Variants in ZC4H2 observed in about 807,000 individuals in gnomAD.
ZC4H2 encodes zinc finger C4H2 domain-containing protein.
For synonymous variants in ZC4H2, 84 were observed against 66.3 expected (o/e 1.27, Z -1.30); for missense variants, 137 against 173.9 (o/e 0.79, Z 1.19).
At chrX:65,015,211 G>C (rs1932789686) in intron 1 of ZC4H2, among the ~76,000 whole-genome samples, 2 of 111,761 alleles carry the variant, frequency 1.8e-5, no homozygotes, top group Non-Finnish European at 3.8e-5. Flanking sequence ...CAGATTACCT[G>C]GAACATTATT....
At chrX:64,968,552 T>C (rs1259639453) in intron 1 of ZC4H2, among the ~76,000 whole-genome samples, 1 of 111,635 alleles carries the variant, frequency 9.0e-6, no homozygotes, top group Non-Finnish European at 1.9e-5. Context: ...AGATGAAATC[T>C]GTGGAATGTT....
chrX:64,953,790 C>T (rs1418847682), intron 1 of ZC4H2, among the ~76,000 whole-genome samples: 4 of 111,393 alleles, frequency 3.6e-5, no homozygotes, highest in Non-Finnish European at 7.5e-5. Flanking sequence ...ACTAGAAATA[C>T]CACTTGACCC....
At chrX:64,997,927 T>C (rs1325334430) in intron 1 of ZC4H2, among the ~76,000 whole-genome samples, 1 of 112,134 alleles carries the variant, frequency 8.9e-6, no homozygotes, top group East Asian at 2.8e-4. Context: ...CAAGTAGCAT[T>C]TTTTGTAGGC....
At chrX:64,987,644 GA>G (rs1164009069) in intron 1 of ZC4H2, among the ~76,000 whole-genome samples, 1 of 104,001 alleles carries the variant, frequency 9.6e-6, no homozygotes, top group Non-Finnish European at 2.0e-5. Flanking sequence ...AAAACTTTTA[GA>G]AAAAAAAAGG....
chrX:65,020,844 C>A (rs975620447), intron 1 of ZC4H2, among the ~76,000 whole-genome samples: 1 of 111,428 alleles, frequency 9.0e-6, no homozygotes, highest in Non-Finnish European at 1.9e-5. Flanking sequence ...GAATATTTAC[C>A]AAGCAAATGG....
intron 1 of ZC4H2, among the ~76,000 whole-genome samples, chrX:65,011,662 G>A (rs991444325): frequency 7.2e-5 from 8 of 110,681 alleles, no homozygotes; most frequent in African/African-American, 1.6e-4. Flanking sequence ...CAGTGACTGG[G>A]GCCAATAATG....
At chrX:65,012,243 A>AAAAAAAAG (rs1932762311) in intron 1 of ZC4H2, among the ~76,000 whole-genome samples, 1 of 99,741 alleles carries the variant, frequency 1.0e-5, no homozygotes, top group Non-Finnish European at 2.1e-5. Context: ...AAAAAAAAAA[A>AAAAAAAAG]AAAGAAAGAA....
At chrX:64,920,344 A>G (rs1447410076) in intron 2 of ZC4H2, 91 bp from the exon 3 acceptor site, 1 of 990,989 alleles carries the variant, frequency 1.0e-6, no homozygotes, top group Non-Finnish European at 1.4e-6. Flanking sequence ...CAAGCTCCAG[A>G]ACTTGTTCAG....
intron 1 of ZC4H2, among the ~76,000 whole-genome samples, chrX:65,005,361 T>C (rs147129379): frequency 0.12 from 13,746 of 111,125 alleles, 2,097 homozygotes; most frequent in African/African-American, 0.42. Context: ...CAAAGCAGCA[T>C]GATACTGGTA....
chrX:64,952,746 A>T (rs1273931143), intron 1 of ZC4H2, among the ~76,000 whole-genome samples: 1 of 110,096 alleles, frequency 9.1e-6, no homozygotes, highest in Non-Finnish European at 1.9e-5. Context: ...ATACTGCCCA[A>T]GGTAATTTAT....
intron 1 of ZC4H2, among the ~76,000 whole-genome samples, chrX:65,033,939 A>C (rs1033162178): frequency 2.7e-5 from 3 of 110,813 alleles, no homozygotes; most frequent in Non-Finnish European, 5.7e-5. Context: ...AAATACAAAA[A>C]TTAGCCAGGC....
At chrX:65,002,548 T>A (rs1451691673) in intron 1 of ZC4H2, among the ~76,000 whole-genome samples, 1 of 111,701 alleles carries the variant, frequency 9.0e-6, no homozygotes, top group Non-Finnish European at 1.9e-5. Context: ...CGCCACCCCG[T>A]CTGGGAGGTG....
intron 4 of ZC4H2, 43 bp downstream of exon 4, chrX:64,918,999 A>G (rs759660873): frequency 8.8e-7 from 1 of 1,130,146 alleles, no homozygotes; most frequent in Admixed American, 3.0e-5. Context: ...CTTCCATGGG[A>G]GGATACTTTG....
At chrX:64,969,636 A>G (rs1206157468) in intron 1 of ZC4H2, among the ~76,000 whole-genome samples, 1 of 111,922 alleles carries the variant, frequency 8.9e-6, no homozygotes, top group Admixed American at 9.5e-5. Context: ...GGAACTTGTT[A>G]GAAATGTAAA....
At chrX:64,943,694 C>T (rs1930397820) in intron 1 of ZC4H2, among the ~76,000 whole-genome samples, 1 of 111,245 alleles carries the variant, frequency 9.0e-6, no homozygotes, top group Admixed American at 9.6e-5. Flanking sequence ...AATATTCATC[C>T]ATCCCTTTAT....
chrX:65,019,034 G>T (rs1025113364), intron 1 of ZC4H2, among the ~76,000 whole-genome samples: 1 of 111,972 alleles, frequency 8.9e-6, no homozygotes, highest in African/African-American at 3.2e-5. Context: ...AGCAGCCCCA[G>T]TCAGGGGCTT....
intron 1 of ZC4H2, among the ~76,000 whole-genome samples, chrX:65,019,248 T>A (rs927797400): frequency 2.7e-5 from 3 of 111,692 alleles, no homozygotes; most frequent in Non-Finnish European, 3.8e-5. Context: ...GGGAGACACC[T>A]CCCAGCAGGG....
chrX:64,951,431 T>C (rs1930829399), intron 1 of ZC4H2, among the ~76,000 whole-genome samples: 1 of 111,724 alleles, frequency 9.0e-6, no homozygotes, highest in Non-Finnish European at 1.9e-5. Flanking sequence ...TGTAAAAGTG[T>C]TCCTATTTCT....
chrX:65,004,812 G>C (rs1932622712), intron 1 of ZC4H2, among the ~76,000 whole-genome samples: 1 of 112,012 alleles, frequency 8.9e-6, no homozygotes, highest in Admixed American at 9.5e-5. Context: ...CAGATGACAT[G>C]ATTGTATATT....
Sources: allele counts gnomAD v4.1 joint callset (sites outside exome capture counted in the v4.1 genomes callset), GRCh38; gene constraint gnomAD v4.1.1; transcripts MANE v1.5; gene names NCBI Gene and HGNC (gene_info 2026-07-23, HGNC 2026-07-21).